Variants in PREX1 observed in about 807,000 individuals in gnomAD.
The protein encoded by PREX1 is phosphatidylinositol 3,4,5-trisphosphate-dependent Rac exchanger 1 protein.
PREX1 carries 41 observed loss-of-function variants against 198.3 expected under a neutral mutation model. The ratio of observed to expected loss-of-function variants is 0.21; its 90% CI spans 0.16 to 0.27. The LOEUF (loss-of-function observed/expected upper bound fraction) is 0.27. Among genes scored for constraint, PREX1 ranks in the 10% least tolerant of loss-of-function variants. The pLI is 1.00. For synonymous variants in PREX1, 843 were observed against 887.2 expected (o/e 0.95, Z 0.89); for missense variants, 1,620 against 2,200.7 (o/e 0.74, Z 5.28).
chr20:48,629,663 C>T (rs529956975), intron 36 of PREX1, 42 bp from the exon 37 acceptor site: 2 of 1,587,072 alleles, frequency 1.3e-6, no homozygotes, highest in Non-Finnish European at 1.7e-6. Context: ...TGGAGGAGGT[C>T]CTCACAGCCC....
At chr20:48,865,255 A>G in the PREX1 span, among the ~76,000 whole-genome samples, 1 of 152,202 alleles carries the variant, frequency 6.6e-6, no homozygotes, top group East Asian at 1.9e-4. Context: ...TTTCAGGTCT[A>G]GGGGTTCATC....
At chr20:48,717,572 G>T (rs112375736) in intron 5 of PREX1, among the ~76,000 whole-genome samples, 110 of 151,184 alleles carry the variant, frequency 7.3e-4, no homozygotes, top group Non-Finnish European at 1.0e-3. Flanking sequence ...GAAGTGAAGA[G>T]CTCCCCAGCA....
chr20:48,786,300 T>C (rs1331304448), intron 1 of PREX1, among the ~76,000 whole-genome samples: 1 of 152,088 alleles, frequency 6.6e-6, no homozygotes, highest in Non-Finnish European at 1.5e-5. Context: ...GGTTTTGGAC[T>C]TTCTAAAGGG....
intron 1 of PREX1, among the ~76,000 whole-genome samples, chr20:48,775,426 G>A (rs1047739619): frequency 2.0e-5 from 3 of 152,102 alleles, no homozygotes; most frequent in Admixed American, 6.5e-5. Context: ...TAAGCCATGG[G>A]TTACCAAGGG....
chr20:48,650,600 C>T (rs2089487052), intron 23 of PREX1, among the ~76,000 whole-genome samples: 1 of 152,228 alleles, frequency 6.6e-6, no homozygotes, highest in Non-Finnish European at 1.5e-5. Flanking sequence ...TTAATTTTCT[C>T]CTGGGCTTGC....
At chr20:48,712,643 T>C (rs1358709326) in intron 5 of PREX1, among the ~76,000 whole-genome samples, 1 of 152,098 alleles carries the variant, frequency 6.6e-6, no homozygotes, top group Non-Finnish European at 1.5e-5. Context: ...GTGGTAGGGG[T>C]AGGGAATTGA....
chr20:48,676,275 A>G lies in PREX1; in HGVS notation c.1590-7T>C. The G allele has an allele frequency of 6.2e-7, 1 of 1,613,438 alleles. No homozygotes were observed. Among genetic ancestry groups the G allele is most frequent in the Non-Finnish European group, 8.5e-7 (1 of 1,179,592 alleles). ...CAGGTGGTAATCACGGTCTCTGTGG[A>G]GAAGGTGAGCGCACAGTGAGCAGGG... On this transcript the variant is annotated splice_polypyrimidine_tract_variant and splice_region_variant and intron_variant, in intron 13 of 39. Coordinates refer to ENST00000371941, the MANE Select transcript of PREX1 (RefSeq NM_020820.4).
chr20:48,785,494 A>C (rs2090307973), intron 1 of PREX1, among the ~76,000 whole-genome samples: 1 of 152,232 alleles, frequency 6.6e-6, no homozygotes, highest in Non-Finnish European at 1.5e-5. Flanking sequence ...TGGTGGTGCC[A>C]AGGCTTGGCT....
chr20:48,792,801 A>C (rs1430665606), intron 1 of PREX1, among the ~76,000 whole-genome samples: 1 of 109,878 alleles, frequency 9.1e-6, no homozygotes, highest in Non-Finnish European at 1.8e-5. Flanking sequence ...GAAGCCAGAT[A>C]CAAAAAAAAA....
At chr20:48,748,477 C>CT (rs938267144) in intron 1 of PREX1, among the ~76,000 whole-genome samples, 47 of 146,790 alleles carry the variant, frequency 3.2e-4, no homozygotes, top group East Asian at 1.4e-3. Context: ...ACATCTATTC[C>CT]TTTTTTTTTT....
At chr20:48,649,598 C>A in intron 24 of PREX1, 22 bp from the exon 25 acceptor site, 1 of 1,557,000 alleles carries the variant, frequency 6.4e-7, no homozygotes, top group Non-Finnish European at 8.7e-7. Context: ...GAAGAGAGAG[C>A]TCACTGGAAA....
At chr20:48,721,564 G>A (rs1046655751) in intron 5 of PREX1, among the ~76,000 whole-genome samples, 25 of 152,254 alleles carry the variant, frequency 1.6e-4, no homozygotes, top group African/African-American at 5.8e-4. Context: ...GAGCAGAGAA[G>A]ATGACAAGGT....
chr20:48,681,385 C>A (rs1053590258), intron 10 of PREX1, 50 bp from the exon 11 acceptor site: 1 of 1,575,552 alleles, frequency 6.3e-7, no homozygotes, highest in Non-Finnish European at 8.7e-7. Context: ...ATTCTGGGAC[C>A]ACAGGAATCA....
At position 48,664,927 on chromosome 20, in the gene PREX1, C is replaced by CGACTCCAGACGGCCTGAATTCTAATCCT. The variant is rs1568812270; in HGVS notation, c.1738+1328_1738+1355dup. On this transcript the variant is annotated intron_variant, in intron 15 of 39. Coordinates refer to ENST00000371941, the MANE Select transcript of PREX1 (RefSeq NM_020820.4). ...GCCCAGACGGCCTGAATTCTAATCC[C>CGACTCCAGACGGCCTGAATTCTAATCCT]GACTCCAGACGGCCTGAATTCTAAT... is the stretch of plus-strand genomic sequence containing the variant. 8.4e-3 allele frequency among the ~76,000 whole-genome samples: 1,009 copies of CGACTCCAGACGGCCTGAATTCTAATCCT among 120,096 alleles called. 12 individuals are homozygous for CGACTCCAGACGGCCTGAATTCTAATCCT. Among genetic ancestry groups the CGACTCCAGACGGCCTGAATTCTAATCCT allele is most frequent in the Non-Finnish European group, 0.013 (695 of 51,954 alleles). The allele number at this position is 120,096 out of a possible 152,430, so 78.8% of individuals were successfully genotyped here. A position where few individuals can be genotyped will look rare whatever the true frequency, so the allele number is the denominator to read the frequency against.
At chr20:48,796,409 G>C (rs1416825190) in intron 1 of PREX1, among the ~76,000 whole-genome samples, 2 of 151,944 alleles carry the variant, frequency 1.3e-5, no homozygotes, top group African/African-American at 2.4e-5. Flanking sequence ...CCATCATACA[G>C]GCACAAAGCA....
intron 30 of PREX1, among the ~76,000 whole-genome samples, chr20:48,638,853 T>C (rs748234561): frequency 1.3e-5 from 2 of 152,234 alleles, no homozygotes; most frequent in Non-Finnish European, 2.9e-5. Flanking sequence ...GAACTCGCCA[T>C]GATCACACAG....
intron 5 of PREX1, among the ~76,000 whole-genome samples, chr20:48,709,601 C>T (rs2123090516): frequency 6.6e-6 from 1 of 152,328 alleles, no homozygotes; most frequent in Admixed American, 6.5e-5. Flanking sequence ...GATGGGCGGA[C>T]TGAGGCACAG....
chr20:48,851,682 CTTGT>C, the PREX1 span, among the ~76,000 whole-genome samples: 2 of 152,256 alleles, frequency 1.3e-5, no homozygotes, highest in East Asian at 3.9e-4. Flanking sequence ...TTGGCTGTCA[CTTGT>C]TTGTTATGCA....
intron 2 of PREX1, among the ~76,000 whole-genome samples, chr20:48,745,628 C>T (rs972077961): frequency 1.3e-5 from 2 of 152,182 alleles, no homozygotes; most frequent in African/African-American, 2.4e-5. Flanking sequence ...GAAGAAAACA[C>T]AATAAGGAAG....
Sources: gnomAD v4.1 joint callset for allele counts (sites outside exome capture counted in the v4.1 genomes callset) on GRCh38, gnomAD v4.1.1 for gene constraint, MANE v1.5 for transcripts, NCBI Gene and HGNC (gene_info 2026-07-23, HGNC 2026-07-21) for gene names.